The following NOL4 variants were observed in gnomAD, a reference collection of about 807,000 sequenced individuals.
NOL4 encodes the protein cancer/testis antigen 125.
Under a neutral mutation model 75.9 loss-of-function variants are expected in NOL4, and 17 were observed. That is an observed-to-expected ratio of 0.22 (90% CI 0.15 to 0.34). The LOEUF is 0.34. Among genes scored for constraint, NOL4 ranks in the 10% least tolerant of loss-of-function variants. NOL4 has a pLI of 1.00. For synonymous variants in NOL4, 292 were observed against 289.9 expected, an observed-to-expected ratio of 1.01 and a Z score of -0.07; for missense variants, 614 against 793.5, an observed-to-expected ratio of 0.77 and a Z score of 2.72.
At chr18:34,137,584 C>T (rs1319342475) in intron 1 of NOL4, among the ~76,000 whole-genome samples, 1 of 151,918 alleles carries the variant, frequency 6.6e-6, no homozygotes, top group Non-Finnish European at 1.5e-5. Context: ...AACAATGAAA[C>T]ACTACTTCAC....
At chr18:33,952,608 C>T (rs529585847) in intron 8 of NOL4, among the ~76,000 whole-genome samples, 41 of 152,302 alleles carry the variant, frequency 2.7e-4, no homozygotes, top group Non-Finnish European at 5.6e-4. Context: ...AGGTCATACG[C>T]TAAAACATTA....
intron 5 of NOL4, among the ~76,000 whole-genome samples, chr18:34,029,242 G>T (rs576051242): frequency 6.6e-6 from 1 of 152,110 alleles, no homozygotes; most frequent in South Asian, 2.1e-4. Context: ...TTTATTTATG[G>T]CCTAGCTGTT....
intron 9 of NOL4, among the ~76,000 whole-genome samples, chr18:33,911,545 T>C (rs192396383): frequency 3.9e-5 from 6 of 152,144 alleles, no homozygotes; most frequent in Non-Finnish European, 7.4e-5. Flanking sequence ...ATCCCAGGAG[T>C]TCTTTTTTGC....
At chr18:34,058,253 C>T (rs1049128922) in intron 5 of NOL4, among the ~76,000 whole-genome samples, 4 of 152,158 alleles carry the variant, frequency 2.6e-5, no homozygotes, top group African/African-American at 4.8e-5. Flanking sequence ...CCTGCCTCAG[C>T]CTCCCGAGTA....
chr18:33,965,337 CA>C (rs2070492589), intron 6 of NOL4, among the ~76,000 whole-genome samples: 1 of 151,900 alleles, frequency 6.6e-6, no homozygotes. Context: ...AACCAAAAAC[CA>C]AAAACAATTA....
At chr18:33,930,721 T>C (rs17747713) in intron 9 of NOL4, among the ~76,000 whole-genome samples, 45,103 of 152,028 alleles carry the variant, frequency 0.3, 7,091 homozygotes, top group South Asian at 0.42. Flanking sequence ...GCATTCTGTT[T>C]GCAGCAAAAT....
At chr18:34,096,682 T>G (rs2078800593) in intron 4 of NOL4, among the ~76,000 whole-genome samples, 1 of 152,154 alleles carries the variant, frequency 6.6e-6, no homozygotes, top group Non-Finnish European at 1.5e-5. Flanking sequence ...TGAGCTTATT[T>G]CTTACATGAC....
At chr18:33,856,503 T>A (rs1331730973) in intron 10 of NOL4, among the ~76,000 whole-genome samples, 1 of 152,062 alleles carries the variant, frequency 6.6e-6, no homozygotes, top group Admixed American at 6.6e-5. Flanking sequence ...AATATTACCA[T>A]GAGTCCTGAG....
intron 1 of NOL4, among the ~76,000 whole-genome samples, chr18:34,142,131 A>G (rs1199482980): frequency 6.6e-6 from 1 of 152,346 alleles, no homozygotes; most frequent in Middle Eastern, 3.4e-3. Context: ...CCACAATGAG[A>G]TACCATCTCA....
rs143523858 is a variant in NOL4 at position 34,075,235 on chromosome 18, T to A, written c.772+18230A>T. Among the ~76,000 whole-genome samples, 132 of 152,290 alleles carry A rather than the reference T, an allele frequency of 8.7e-4. 2 individuals carry two copies. The East Asian group carries it at 0.015, about 17-fold the overall frequency. On this transcript the variant is annotated intron_variant, in intron 5 of 10. Coordinates refer to ENST00000261592, the MANE Select transcript of NOL4 (RefSeq NM_003787.5). ...TGGAACCAAAGTCCAAACATGAAATTCACTTATGTTTCATATACACCTTGT... is the reference window on the plus strand; with the variant it reads ...TGGAACCAAAGTCCAAACATGAAATACACTTATGTTTCATATACACCTTGT...
At chr18:34,056,887 T>G (rs543084085) in intron 5 of NOL4, among the ~76,000 whole-genome samples, 5 of 152,334 alleles carry the variant, frequency 3.3e-5, no homozygotes, top group Admixed American at 1.3e-4. Flanking sequence ...TGGTTTGCCA[T>G]CTTGCCAACA....
chr18:33,944,159 T>A (rs1313793970), intron 8 of NOL4, among the ~76,000 whole-genome samples: 1 of 151,944 alleles, frequency 6.6e-6, no homozygotes, highest in Non-Finnish European at 1.5e-5. Flanking sequence ...ATACAGTATA[T>A]GCCACCTTAG....
chr18:33,936,186 G>A (rs780534752), intron 9 of NOL4, among the ~76,000 whole-genome samples: 32 of 151,966 alleles, frequency 2.1e-4, no homozygotes, highest in Non-Finnish European at 3.8e-4. Context: ...TTGCCCCCAC[G>A]CTTACGTGGC....
chr18:34,194,457 A>AAGGAAGGCAGGC (rs1301161192), intron 1 of NOL4, among the ~76,000 whole-genome samples: 3 of 146,318 alleles, frequency 2.1e-5, no homozygotes, highest in Admixed American at 6.9e-5. Context: ...GGAAGGAAGG[A>AAGGAAGGCAGGC]AGGCAGGCAG....
intron 6 of NOL4, among the ~76,000 whole-genome samples, chr18:33,966,738 A>G (rs1377728204): frequency 1.3e-5 from 2 of 152,172 alleles, no homozygotes; most frequent in African/African-American, 2.4e-5. Flanking sequence ...CATTTAAAAT[A>G]GCCACACACA....
chr18:34,050,764 G>A (rs902477592), intron 5 of NOL4, among the ~76,000 whole-genome samples: 13 of 152,148 alleles, frequency 8.5e-5, no homozygotes, highest in Admixed American at 8.5e-4. Flanking sequence ...GGGAAATAGG[G>A]AAAATGAGAG....
intron 1 of NOL4, among the ~76,000 whole-genome samples, chr18:34,142,017 A>G (rs949485715): frequency 2.0e-5 from 3 of 152,200 alleles, no homozygotes; most frequent in African/African-American, 7.2e-5. Flanking sequence ...AAAAGTGGGC[A>G]AAGGACATGA....
chr18:34,110,715 CT>C (rs1312285049), intron 2 of NOL4, among the ~76,000 whole-genome samples: 1 of 151,978 alleles, frequency 6.6e-6, no homozygotes, highest in African/African-American at 2.4e-5. Context: ...GATAAGCCAT[CT>C]AAACTTGAAA....
intron 5 of NOL4, among the ~76,000 whole-genome samples, chr18:34,060,972 C>T (rs2145126791): frequency 6.6e-6 from 1 of 152,244 alleles, no homozygotes; most frequent in African/African-American, 2.4e-5. Context: ...TAGTGCAAGT[C>T]ACAAAGGTAT....
Sources: gnomAD v4.1 joint callset for allele counts (sites outside exome capture counted in the v4.1 genomes callset) on GRCh38, gnomAD v4.1.1 for gene constraint, MANE v1.5 for transcripts, NCBI Gene and HGNC (gene_info 2026-07-23, HGNC 2026-07-21) for gene names.